Variants in GLIS3 observed in about 807,000 individuals in gnomAD.
GLIS3 encodes zinc finger protein GLIS3.
A neutral mutation model predicts 78.6 loss-of-function variants in GLIS3; 53 were observed. The ratio of observed to expected loss-of-function variants is 0.67; its 90% confidence interval spans 0.54 to 0.85. The LOEUF is 0.85. Ranked by LOEUF, GLIS3 falls within the 40% of genes least tolerant of loss-of-function variation. GLIS3 has a pLI of 0.00. For missense variants in GLIS3, 1,703 were observed against 1,231.1 expected, an observed-to-expected ratio of 1.38 and a Z score of -5.74; for synonymous variants, 684 against 509.9, an observed-to-expected ratio of 1.34 and a Z score of -4.60.
intron 6 of GLIS3, among the ~76,000 whole-genome samples, chr9:3,902,437 G>A (rs1232062030): frequency 6.6e-6 from 1 of 152,156 alleles, no homozygotes; most frequent in Non-Finnish European, 1.5e-5. Context: ...GTCTTTCAAT[G>A]TAACATAGTT....
chr9:4,221,624 A>G (rs2131333127), intron 2 of GLIS3, among the ~76,000 whole-genome samples: 1 of 152,334 alleles, frequency 6.6e-6, no homozygotes, highest in African/African-American at 2.4e-5. Flanking sequence ...ATGTCTGAAT[A>G]AAGAACTACC....
At chr9:4,023,195 C>G (rs1312538290) in intron 4 of GLIS3, among the ~76,000 whole-genome samples, 1 of 152,128 alleles carries the variant, frequency 6.6e-6, no homozygotes, top group Non-Finnish European at 1.5e-5. Context: ...AGTCCTTACC[C>G]AGTGCTACAC....
the GLIS3 span, among the ~76,000 whole-genome samples, chr9:4,487,094 G>T: frequency 6.6e-6 from 1 of 152,084 alleles, no homozygotes; most frequent in Non-Finnish European, 1.5e-5. Context: ...CCACCTACTG[G>T]GTTCAAGCGA....
the GLIS3 span, among the ~76,000 whole-genome samples, chr9:4,363,553 C>CAGTGTAGTAAAATTTATAAGAT: frequency 6.6e-6 from 1 of 152,164 alleles, no homozygotes; most frequent in Non-Finnish European, 1.5e-5. Flanking sequence ...ACAAATTAAA[C>CAGTGTAGTAAAATTTATAAGAT]ACAAATTTCA....
At chr9:3,867,263 T>C (rs1438657475) in intron 8 of GLIS3, among the ~76,000 whole-genome samples, 2 of 152,254 alleles carry the variant, frequency 1.3e-5, no homozygotes, top group Non-Finnish European at 2.9e-5. Flanking sequence ...ATTTTATCTT[T>C]TTCTTTTCTT....
At chr9:3,917,371 G>A (rs185804235) in intron 6 of GLIS3, among the ~76,000 whole-genome samples, 115 of 152,210 alleles carry the variant, frequency 7.6e-4, no homozygotes, top group African/African-American at 2.7e-3. Flanking sequence ...CAGAAGAAAG[G>A]GTGACATTGA....
the GLIS3 span, among the ~76,000 whole-genome samples, chr9:4,455,271 G>A: frequency 3.3e-5 from 5 of 152,094 alleles, no homozygotes; most frequent in South Asian, 2.1e-4. Flanking sequence ...TCCATCTTAC[G>A]GTCTTCAGTT....
At chr9:4,364,618 G>T in the GLIS3 span, among the ~76,000 whole-genome samples, 3 of 151,354 alleles carry the variant, frequency 2.0e-5, no homozygotes, top group Non-Finnish European at 4.4e-5. Context: ...CAAACATTAT[G>T]TTCCAAAATG....
At chr9:4,294,419 G>C (rs548331365) in intron 1 of GLIS3, among the ~76,000 whole-genome samples, 40 of 151,992 alleles carry the variant, frequency 2.6e-4, no homozygotes, top group East Asian at 2.3e-3. Context: ...TGAGGCAGGA[G>C]AATCACTTGA....
At chr9:4,312,624 G>A (rs558282860) in intron 2 of GLIS3, among the ~76,000 whole-genome samples, 1 of 152,198 alleles carries the variant, frequency 6.6e-6, no homozygotes, top group Non-Finnish European at 1.5e-5. Flanking sequence ...GATTGCACTT[G>A]CATTCCTTGT....
intron 1 of GLIS3, chr9:4,298,479 A>C: frequency 2.2e-6 from 1 of 447,872 alleles, no homozygotes; most frequent in Non-Finnish European, 4.5e-6. Flanking sequence ...TGTCAGCTCC[A>C]GTGAGTAACT....
At chr9:4,169,970 A>G (rs1816230953) in intron 2 of GLIS3, among the ~76,000 whole-genome samples, 2 of 152,334 alleles carry the variant, frequency 1.3e-5, no homozygotes, top group East Asian at 3.9e-4. Context: ...CCTCACATCA[A>G]AATGAAAAAG....
upstream of GLIS3, among the ~76,000 whole-genome samples, chr9:4,301,511 C>A (rs2130488896): frequency 6.6e-6 from 1 of 152,330 alleles, no homozygotes; most frequent in African/African-American, 2.4e-5. Context: ...AACTCTTCCT[C>A]ATTAACTCCA....
At chr9:4,305,974 A>T (rs1287698905) in intron 4 of GLIS3, 1 of 152,238 alleles carries the variant, frequency 6.6e-6, no homozygotes, top group Admixed American at 6.5e-5. Context: ...CTAAGGTATT[A>T]AGTTACCATC....
At chr9:4,353,882 C>T in the GLIS3 span, among the ~76,000 whole-genome samples, 7 of 152,110 alleles carry the variant, frequency 4.6e-5, no homozygotes, top group Non-Finnish European at 1.0e-4. Flanking sequence ...GGATGGAGTG[C>T]AGTGGCGCGA....
chr9:4,360,657 A>G, the GLIS3 span, among the ~76,000 whole-genome samples: 1 of 152,220 alleles, frequency 6.6e-6, no homozygotes, highest in Non-Finnish European at 1.5e-5. Flanking sequence ...GCAAAGGACC[A>G]TTAATAAGTT....
intron 2 of GLIS3, among the ~76,000 whole-genome samples, chr9:4,128,047 A>C (rs1406104373): frequency 2.6e-5 from 4 of 152,226 alleles, no homozygotes; most frequent in Non-Finnish European, 5.9e-5. Context: ...CAGATTTCAG[A>C]GATGTTGTAA....
chr9:4,162,598 G>C (rs13294305), intron 2 of GLIS3, among the ~76,000 whole-genome samples: 7 of 152,094 alleles, frequency 4.6e-5, no homozygotes, highest in African/African-American at 1.7e-4. Flanking sequence ...GGTGGCTCAC[G>C]CCTGTAATCC....
At position 4,025,781 on chromosome 9, in the gene GLIS3, T is replaced by G. The variant is rs75321933; in HGVS notation, c.1711-88592A>C. Among the ~76,000 whole-genome samples, 529 of 152,268 alleles carry G rather than the reference T, an allele frequency of 3.5e-3. 2 individuals carry two copies. Among genetic ancestry groups the G allele is most frequent in the African/African-American group, 0.012 (507 of 41,540 alleles). Reference sequence around the variant, plus strand: ...AGAGGATAGGCCACAGAGGTCTTATTATCAACTCAAAAGAAAATATTCATA... The same window carrying G: ...AGAGGATAGGCCACAGAGGTCTTATGATCAACTCAAAAGAAAATATTCATA... On this transcript the variant is annotated intron_variant, in intron 4 of 10. Transcript: ENST00000381971.
Sources: allele counts gnomAD v4.1 joint callset (sites outside exome capture counted in the v4.1 genomes callset), GRCh38; gene constraint gnomAD v4.1.1; transcripts MANE v1.5; gene names NCBI Gene and HGNC (gene_info 2026-07-23, HGNC 2026-07-21).